Variants in PCDH9 observed in about 807,000 individuals in gnomAD.
PCDH9 encodes protocadherin 9, also known as protocadherin-9.
In PCDH9, 24 loss-of-function variants were observed where a neutral mutation model predicts 70.6. That is an observed-to-expected ratio of 0.34 (90% CI 0.25 to 0.48). The LOEUF (loss-of-function observed/expected upper bound fraction) is 0.48. Ranked by LOEUF, PCDH9 falls within the 20% of genes least tolerant of loss-of-function variation. The pLI, the probability that PCDH9 is intolerant of heterozygous loss-of-function variation, is 0.99. For missense variants in PCDH9, 1,281 were observed against 1,503.6 expected, an observed-to-expected ratio of 0.85 and a Z score of 2.45; for synonymous variants, 562 against 558.5, an observed-to-expected ratio of 1.01 and a Z score of -0.09.
chr13:66,481,188 A>G (rs1228189042), intron 4 of PCDH9, among the ~76,000 whole-genome samples: 2 of 151,968 alleles, frequency 1.3e-5, no homozygotes, highest in Non-Finnish European at 2.9e-5. Context: ...TAACATTAGG[A>G]GAAATACCTA....
intron 4 of PCDH9, among the ~76,000 whole-genome samples, chr13:66,429,291 GA>G (rs368100749): frequency 1.3e-5 from 2 of 151,568 alleles, no homozygotes; most frequent in South Asian, 4.1e-4. Context: ...TCAGTGTATA[GA>G]AAAAAACAAG....
chr13:66,871,834 C>G (rs1397718430), intron 3 of PCDH9, among the ~76,000 whole-genome samples: 1 of 152,054 alleles, frequency 6.6e-6, no homozygotes, highest in African/African-American at 2.4e-5. Context: ...TTACCACCCC[C>G]CCCTCAACAT....
intron 2 of PCDH9, among the ~76,000 whole-genome samples, chr13:67,150,830 C>CT (rs1375719170): frequency 2.6e-5 from 4 of 152,210 alleles, no homozygotes; most frequent in African/African-American, 9.6e-5. Context: ...TATCTTTCCA[C>CT]TGCACTACTA....
chr13:66,862,492 C>T (rs995848931), intron 3 of PCDH9, among the ~76,000 whole-genome samples: 3 of 152,184 alleles, frequency 2.0e-5, no homozygotes, highest in Non-Finnish European at 2.9e-5. Flanking sequence ...TTGCTTATCA[C>T]GGACTCCCAT....
intron 4 of PCDH9, among the ~76,000 whole-genome samples, chr13:66,612,529 A>T (rs1409238105): frequency 6.6e-6 from 1 of 152,220 alleles, no homozygotes; most frequent in East Asian, 1.9e-4. Flanking sequence ...GTTAAATTTG[A>T]ATTTCAGAGT....
chr13:67,027,358 T>C (rs952695697), intron 2 of PCDH9, among the ~76,000 whole-genome samples: 1 of 152,208 alleles, frequency 6.6e-6, no homozygotes, highest in African/African-American at 2.4e-5. Context: ...GAAAACTGGC[T>C]AGCCATATGT....
intron 4 of PCDH9, among the ~76,000 whole-genome samples, chr13:66,456,409 A>G (rs181260164): frequency 3.3e-4 from 50 of 152,188 alleles, no homozygotes; most frequent in African/African-American, 1.2e-3. Flanking sequence ...CTACAGAGGT[A>G]TACCACCACA....
At chr13:66,879,357 T>C (rs1189154744) in intron 3 of PCDH9, among the ~76,000 whole-genome samples, 1 of 152,148 alleles carries the variant, frequency 6.6e-6, no homozygotes, top group Admixed American at 6.5e-5. Context: ...GCAACAGTCA[T>C]AGACCAGCCT....
At chr13:66,726,110 G>T (rs60906498) in intron 3 of PCDH9, among the ~76,000 whole-genome samples, 1,599 of 152,190 alleles carry the variant, frequency 0.011, 32 homozygotes, top group African/African-American at 0.036. Flanking sequence ...TGTTTTACAA[G>T]TTTTCCTGTT....
At position 66,324,554 on chromosome 13, in the gene PCDH9, C is replaced by T. The variant is rs865861307; in HGVS notation, c.3341-19526G>A. Reference sequence around the variant, plus strand: ...TTTAGATGAATAATGGTAATTACAACAAGCATGACCAAAATAAAATAAAAC... The same window carrying T: ...TTTAGATGAATAATGGTAATTACAATAAGCATGACCAAAATAAAATAAAAC... On this transcript the variant is annotated intron_variant, in intron 4 of 4. Transcript: ENST00000377865. Among the ~76,000 whole-genome samples the T allele has an allele frequency of 3.3e-5, 5 of 151,956 alleles. No homozygotes were observed. In the South Asian group the frequency reaches 8.3e-4, roughly 25 times the overall value.
chr13:67,184,747 CAAAT>C lies in PCDH9; in HGVS notation c.3036+40654_3036+40657del, dbSNP rs1224026607. ...CCCTGTCTAAAAACCAACCAACAAA[CAAAT>C]AAAACCCTAAGGGCAGGGTGAGGGG... On this transcript the variant is annotated intron_variant, in intron 2 of 4. Transcript: ENST00000377865. Among the ~76,000 whole-genome samples the C allele has an allele frequency of 4.6e-5, 7 of 152,100 alleles. No individual in the cohort carries two copies. The East Asian group carries it at 1.4e-3, about 29-fold the overall frequency.
intron 4 of PCDH9, among the ~76,000 whole-genome samples, chr13:66,418,463 T>C (rs1957501211): frequency 6.6e-6 from 1 of 152,288 alleles, no homozygotes; most frequent in African/African-American, 2.4e-5. Flanking sequence ...TTCTTTTACT[T>C]AGGATTGTCT....
chr13:66,962,672 A>G (rs1463882125), intron 2 of PCDH9, among the ~76,000 whole-genome samples: 1 of 152,122 alleles, frequency 6.6e-6, no homozygotes, highest in Non-Finnish European at 1.5e-5. Context: ...TTATGGAACC[A>G]CCTTTGTATA....
chr13:66,901,174 A>T (rs2139593311), intron 3 of PCDH9, among the ~76,000 whole-genome samples: 1 of 151,866 alleles, frequency 6.6e-6, no homozygotes, highest in East Asian at 1.9e-4. Context: ...TTTATAAGAA[A>T]TTTCAGATAT....
intron 4 of PCDH9, among the ~76,000 whole-genome samples, chr13:66,560,545 C>T (rs755164269): frequency 6.6e-6 from 1 of 152,192 alleles, no homozygotes; most frequent in Non-Finnish European, 1.5e-5. Context: ...CTGGAAGGCA[C>T]TTTTTATCTG....
At chr13:66,326,293 T>C (rs1955842732) in intron 4 of PCDH9, among the ~76,000 whole-genome samples, 1 of 151,840 alleles carries the variant, frequency 6.6e-6, no homozygotes, top group Non-Finnish European at 1.5e-5. Flanking sequence ...GTTTCCCCAT[T>C]ATAAACCTTT....
At chr13:66,787,416 G>A (rs560393830) in intron 3 of PCDH9, among the ~76,000 whole-genome samples, 14 of 152,068 alleles carry the variant, frequency 9.2e-5, no homozygotes, top group Non-Finnish European at 1.9e-4. Flanking sequence ...AGGAGTTTGA[G>A]ACCAGCCTGG....
chr13:66,995,591 A>G (rs1426151837), intron 2 of PCDH9, among the ~76,000 whole-genome samples: 1 of 152,206 alleles, frequency 6.6e-6, no homozygotes, highest in Non-Finnish European at 1.5e-5. Context: ...TGTTTGTGTC[A>G]GTTCTACCCT....
intron 4 of PCDH9, among the ~76,000 whole-genome samples, chr13:66,309,353 T>A (rs1955523962): frequency 6.6e-6 from 1 of 151,900 alleles, no homozygotes; most frequent in South Asian, 2.1e-4. Flanking sequence ...GGGAATACAT[T>A]CATTCGACTG....
Sources: gnomAD v4.1 joint callset for allele counts (sites outside exome capture counted in the v4.1 genomes callset) on GRCh38, gnomAD v4.1.1 for gene constraint, MANE v1.5 for transcripts, NCBI Gene and HGNC (gene_info 2026-07-23, HGNC 2026-07-21) for gene names.